SUPT3H: variants seen among roughly 807,000 people sequenced by gnomAD.
The protein encoded by SUPT3H is SPT3 homolog, SAGA and STAGA complex component.
Under a neutral mutation model 44.3 loss-of-function variants are expected in SUPT3H, and 44 were observed. The observed-to-expected ratio is 0.99, with a 90% confidence interval of 0.78 to 1.28. The LOEUF is 1.28. SUPT3H is among the 50% of genes most tolerant of loss of function. The pLI is 0.00. For missense variants in SUPT3H, 380 were observed against 387.1 expected (o/e 0.98, Z 0.15); for synonymous variants, 124 against 125.6 (o/e 0.99, Z 0.09).
intron 10 of SUPT3H, among the ~76,000 whole-genome samples, chr6:44,902,570 C>T (rs954095939): frequency 5.9e-5 from 9 of 152,092 alleles, no homozygotes; most frequent in Admixed American, 1.3e-4. Context: ...TAGACTCCCA[C>T]AATAATAATG....
chr6:45,287,268 T>TAAAAA (rs1448083577), intron 2 of SUPT3H, among the ~76,000 whole-genome samples: 30 of 102,450 alleles, frequency 2.9e-4, no homozygotes, highest in Middle Eastern at 5.1e-3. Flanking sequence ...AAATAAAAAA[T>TAAAAA]ATAAAAAATT....
At chr6:45,068,302 G>C (rs1295863891) in intron 3 of SUPT3H, among the ~76,000 whole-genome samples, 1 of 130,086 alleles carries the variant, frequency 7.7e-6, no homozygotes, top group East Asian at 2.4e-4. Flanking sequence ...ATCACACTCT[G>C]GGGACTGTGG....
At chr6:44,978,056 G>A (rs1195421750) in intron 6 of SUPT3H, among the ~76,000 whole-genome samples, 3 of 152,088 alleles carry the variant, frequency 2.0e-5, no homozygotes, top group East Asian at 3.9e-4. Flanking sequence ...CATTTTACTC[G>A]GTGGTAGTAG....
At chr6:45,246,579 T>C (rs1270082520) in intron 2 of SUPT3H, among the ~76,000 whole-genome samples, 1 of 152,148 alleles carries the variant, frequency 6.6e-6, no homozygotes, top group African/African-American at 2.4e-5. Context: ...ATGTAAAAAA[T>C]AGAAAGTAAT....
chr6:44,944,142 AC>A (rs1321163145), intron 9 of SUPT3H, among the ~76,000 whole-genome samples: 1 of 151,892 alleles, frequency 6.6e-6, no homozygotes, highest in Non-Finnish European at 1.5e-5. Flanking sequence ...AGCATAAAGG[AC>A]CTGGACCTAT....
At chr6:44,927,531 A>C (rs1769701498) in intron 10 of SUPT3H, among the ~76,000 whole-genome samples, 1 of 152,210 alleles carries the variant, frequency 6.6e-6, no homozygotes, top group African/African-American at 2.4e-5. Context: ...GAAATTGAAG[A>C]AACTTTATAA....
At chr6:45,084,608 A>T (rs1374538704) in intron 3 of SUPT3H, among the ~76,000 whole-genome samples, 1 of 152,136 alleles carries the variant, frequency 6.6e-6, no homozygotes, top group Non-Finnish European at 1.5e-5. Context: ...GGATCCTATT[A>T]ATGTGTATAC....
intron 2 of SUPT3H, among the ~76,000 whole-genome samples, chr6:45,158,665 C>T (rs1441490072): frequency 6.6e-6 from 1 of 152,042 alleles, no homozygotes; most frequent in Non-Finnish European, 1.5e-5. Flanking sequence ...ATGGTTATCG[C>T]TAGCTGTCAG....
chr6:45,080,179 C>A (rs976749116), intron 3 of SUPT3H, among the ~76,000 whole-genome samples: 3 of 152,024 alleles, frequency 2.0e-5, no homozygotes, highest in African/African-American at 7.2e-5. Context: ...AAACAGTACA[C>A]AAGTATATGA....
At chr6:44,908,792 TAAAA>T (rs3842124) in intron 10 of SUPT3H, among the ~76,000 whole-genome samples, 1 of 145,536 alleles carries the variant, frequency 6.9e-6, no homozygotes, top group Admixed American at 6.8e-5. Flanking sequence ...GAGTACAAAC[TAAAA>T]AAAAAATATT....
chr6:45,213,941 T>C (rs1562706477), intron 2 of SUPT3H, among the ~76,000 whole-genome samples: 1 of 145,656 alleles, frequency 6.9e-6, no homozygotes, highest in East Asian at 2.0e-4. Flanking sequence ...TTACATAATT[T>C]ACTATTTAAA....
At position 45,102,071 on chromosome 6, in the gene SUPT3H, G is replaced by C. The variant is rs551488607; in HGVS notation, c.186+3851C>G. On this transcript the variant is annotated intron_variant, in intron 3 of 10. Transcript: ENST00000371459. ...GAATCAATTTTAGTTATGGTTATAA[G>C]ACTACACATTTGACAAAACATAAAG... is the stretch of plus-strand genomic sequence containing the variant. 5.3e-5 allele frequency among the ~76,000 whole-genome samples: 8 copies of C among 151,958 alleles called. No homozygotes were observed. The East Asian group carries it at 1.5e-3, about 29-fold the overall frequency.
At chr6:45,127,573 G>A (rs148108767) in intron 2 of SUPT3H, among the ~76,000 whole-genome samples, 31 of 152,236 alleles carry the variant, frequency 2.0e-4, no homozygotes, top group African/African-American at 7.5e-4. Flanking sequence ...TAAATCCAGA[G>A]TTAGCATTCT....
intron 10 of SUPT3H, among the ~76,000 whole-genome samples, chr6:44,839,705 T>G (rs1369843325): frequency 6.6e-6 from 1 of 151,998 alleles, no homozygotes; most frequent in East Asian, 1.9e-4. Flanking sequence ...AGCACCAGTT[T>G]TTTTTTTCTT....
At chr6:45,158,298 A>ATATATATATATATATATATTTTTT in intron 2 of SUPT3H, among the ~76,000 whole-genome samples, 1 of 99,688 alleles carries the variant, frequency 1.0e-5, no homozygotes, top group African/African-American at 5.0e-5. Context: ...ATATATATAT[A>ATATATATATATATATATATTTTTT]TTTTTTTTTT....
At chr6:44,900,331 G>A (rs573036322) in intron 10 of SUPT3H, among the ~76,000 whole-genome samples, 184 of 152,314 alleles carry the variant, frequency 1.2e-3, no homozygotes, top group African/African-American at 4.1e-3. Flanking sequence ...CCCTAATACT[G>A]CGCTTTTCCA....
At chr6:45,361,137 A>G (rs1054654485) in intron 2 of SUPT3H, among the ~76,000 whole-genome samples, 1 of 152,188 alleles carries the variant, frequency 6.6e-6, no homozygotes, top group Non-Finnish European at 1.5e-5. Context: ...AAATGCAAAA[A>G]TTGCAGAACT....
intron 10 of SUPT3H, among the ~76,000 whole-genome samples, chr6:44,851,403 T>G (rs1404290920): frequency 6.6e-6 from 1 of 152,154 alleles, no homozygotes; most frequent in Non-Finnish European, 1.5e-5. Context: ...TTCACCACAA[T>G]TATGGTTGGC....
intron 3 of SUPT3H, among the ~76,000 whole-genome samples, chr6:45,049,411 G>A (rs1789924515): frequency 6.6e-6 from 1 of 152,166 alleles, no homozygotes; most frequent in Admixed American, 6.5e-5. Flanking sequence ...CAGGAAGTTA[G>A]GTCTACATGT....
Sources: allele counts gnomAD v4.1 joint callset (sites outside exome capture counted in the v4.1 genomes callset), GRCh38; gene constraint gnomAD v4.1.1; transcripts MANE v1.5; gene names NCBI Gene and HGNC (gene_info 2026-07-23, HGNC 2026-07-21).